The following LLGL1 variants were observed in gnomAD, a reference collection of about 807,000 sequenced individuals.
LLGL1 encodes lethal(2) giant larvae protein homolog 1.
Under a neutral mutation model 110.6 loss-of-function variants are expected in LLGL1, and 58 were observed. That is an observed-to-expected ratio of 0.52 (90% confidence interval 0.42 to 0.65). LLGL1 has a LOEUF of 0.65. LLGL1 is among the 30% of genes least tolerant of loss of function. The pLI, the probability that LLGL1 is intolerant of heterozygous loss-of-function variation, is 0.00. For missense variants in LLGL1, 1,229 were observed against 1,462.1 expected, an observed-to-expected ratio of 0.84 and a Z score of 2.60; for synonymous variants, 674 against 607.2, an observed-to-expected ratio of 1.11 and a Z score of -1.62.
rs762170221 is a variant in LLGL1 at position 18,240,798 on chromosome 17, C to T, written c.2427C>T (p.Ala809=). ...GCCCACTGCCCGAGCCCTACGAGGC[C>T]TCACGGGACCTGGCGCAGGCACCTG... ...RGRPLPEPYE[A]SRDLAQAPDM... Residue 809 remains alanine, a synonymous_variant, in exon 17 of 23, where the codon GCC becomes GCT. Coordinates refer to ENST00000316843, the MANE Select transcript of LLGL1 (RefSeq NM_004140.4). This position sits in a 1 kb window ranked among gnomAD's most constrained non-coding sequence, Gnocchi z 5.3. 5 of 1,588,734 alleles carry T rather than the reference C, an allele frequency of 3.1e-6. No individual in the cohort carries two copies. The highest frequency in any genetic ancestry group is 4.6e-5 in the East Asian group (2 of 43,274).
Position 18,237,636 on chromosome 17 carries a change from C to T in LLGL1, c.1767C>T (p.Pro589=), listed in dbSNP as rs1338467321. 1 of 1,611,878 alleles carries T rather than the reference C, an allele frequency of 6.2e-7. No homozygotes were observed. The highest frequency in any genetic ancestry group is 8.5e-7 in the Non-Finnish European group (1 of 1,179,934). The change falls in exon 14 of 23, where the codon CCC becomes CCT. Residue 589 remains proline (P), a synonymous_variant. Transcript: ENST00000316843. ...TGCCCTGGCCTGCTGGCTTCCAGCC[C>T]CGTGTCCTGGTGCAGTGCCTGCCGC... ...GPLPWPAGFQ[P]RVLVQCLPPA... is the part of the protein sequence containing the mutation.
rs1184013270 is a variant in LLGL1, at chr17:18,240,806, A to T, written c.2435A>T (p.Asp812Val). Reference protein sequence around the residue: ...PLPEPYEASRDLAQAPDMQGG... With the variant: ...PLPEPYEASRVLAQAPDMQGG... Reference sequence around the variant, plus strand: ...CCCGAGCCCTACGAGGCCTCACGGGACCTGGCGCAGGCACCTGACATGCAG... The same window carrying T: ...CCCGAGCCCTACGAGGCCTCACGGGTCCTGGCGCAGGCACCTGACATGCAG... Residue 812 changes from aspartate to valine, a missense_variant, in exon 17 of 23, where the codon GAC becomes GTC. Coordinates refer to ENST00000316843, the MANE Select transcript of LLGL1 (RefSeq NM_004140.4). This position sits in a 1 kb window ranked among gnomAD's most constrained non-coding sequence, Gnocchi z 5.3. The T allele has an allele frequency of 2.5e-6, 4 of 1,582,798 alleles. No homozygotes were observed. The highest frequency in any genetic ancestry group is 3.4e-6 in the Non-Finnish European group (4 of 1,162,340).
At chr17:18,232,609 G>C (rs756397001) in intron 3 of LLGL1, 33 bp downstream of exon 3, 1 of 1,613,898 alleles carries the variant, frequency 6.2e-7, no homozygotes, top group Admixed American at 1.7e-5. Context: ...CCAGCTCCCT[G>C]TGGCCCCCAT....
rs2047964447 is a variant in LLGL1, at chr17:18,244,801, T to TAAAA, written c.*896_*899dup. Reference sequence around the variant, plus strand: ...TTGGGGTTTTTTTCTGTCGTTTTGTTAAAATTAGCGCCATTTTAATATTAA... The same window carrying TAAAA: ...TTGGGGTTTTTTTCTGTCGTTTTGTTAAAAAAAATTAGCGCCATTTTAATATTAA... On this transcript the variant is annotated 3_prime_UTR_variant, in exon 23 of 23. Transcript: ENST00000316843. 6.1e-6 allele frequency: 2 copies of TAAAA among 329,642 alleles called. No individual in the cohort carries two copies. Among genetic ancestry groups the TAAAA allele is most frequent in the African/African-American group, 4.2e-5 (2 of 47,156 alleles). 20.4% of individuals were successfully genotyped at this position (329,642 alleles called of 1,614,324 possible).
intron 16 of LLGL1, among the ~76,000 whole-genome samples, chr17:18,238,946 G>A (rs1384091813): frequency 6.6e-6 from 1 of 152,062 alleles, no homozygotes; most frequent in Non-Finnish European, 1.5e-5. Context: ...GGGAGGCGGA[G>A]GTTGCAGTGA....
At chr17:18,239,172 A>G (rs894819884) in intron 16 of LLGL1, among the ~76,000 whole-genome samples, 2 of 152,060 alleles carry the variant, frequency 1.3e-5, no homozygotes, top group Admixed American at 6.5e-5. Flanking sequence ...GGTGAGGGGC[A>G]CCAGCCAGTG....
chr17:18,238,489 G>A lies in LLGL1; in HGVS notation c.2086G>A (p.Ala696Thr). Residue 696 changes from alanine to threonine, a missense_variant, in exon 16 of 23, where the codon GCC becomes ACC. Ala to Thr is a moderately conservative substitution (Grantham distance 58). Transcript: ENST00000316843. The part of the protein sequence containing the change: ...QEANAQLAEQ[A>T]CPHDVEMTPV... The stretch of plus-strand genomic sequence containing the variant: ...AGCCAATGCACAGCTGGCTGAGCAG[G>A]CCTGCCCCCACGACGTGGAGATGAC... The A allele has an allele frequency of 1.2e-6, 2 of 1,612,168 alleles. No homozygotes were observed. The highest frequency in any genetic ancestry group is 2.2e-5 in the East Asian group (1 of 44,886).
Position 18,234,907 on chromosome 17 carries a change from T to C in LLGL1, c.974T>C (p.Val325Ala). 1 of 1,614,054 alleles carries C rather than the reference T, an allele frequency of 6.2e-7. No homozygotes were observed. Among genetic ancestry groups the C allele is most frequent in the Non-Finnish European group, 8.5e-7 (1 of 1,180,004 alleles). Residue 325 changes from valine to alanine, a missense_variant, in exon 9 of 23, where the codon GTG (valine) becomes GCG (alanine). Physicochemically the swap from Val to Ala is moderately conservative, Grantham distance 64. Transcript: ENST00000316843. ...ASYGDRHCVSVLRAETLVTLD... is the reference protein window; with the variant it reads ...ASYGDRHCVSALRAETLVTLD... ...TATGGTGACCGCCACTGTGTAAGTG[T>C]GCTTCGAGCCGAGACATTGGTGACG...
chr17:18,229,957 TC>T lies in LLGL1; in HGVS notation c.102del (p.Asn35IlefsTer50). The T allele has an allele frequency of 6.2e-7, 1 of 1,610,108 alleles. No homozygotes were observed. The highest frequency in any genetic ancestry group is 8.5e-7 in the Non-Finnish European group (1 of 1,178,962). On this transcript the variant is annotated frameshift_variant, in exon 2 of 23. Coordinates refer to ENST00000316843, the MANE Select transcript of LLGL1 (RefSeq NM_004140.4). LOFTEE classifies it high-confidence loss of function. ...FAFNKTVEHG[F>X]PNQPSALAFD... is the part of the protein sequence containing the mutation. The stretch of plus-strand genomic sequence containing the variant: ...TCCTTGCAGACTGTGGAGCATGGCT[TC>T]CCCAATCAGCCCAGCGCCCTGGCCT...
At chr17:18,234,237 ATGCCTGCCTGCC>A (rs757942328) in intron 6 of LLGL1, 24 bp from the exon 7 acceptor site, 19 of 1,596,094 alleles carry the variant, frequency 1.2e-5, no homozygotes, top group Non-Finnish European at 1.5e-5. Flanking sequence ...ACCATGGCTC[ATGCCTGCCTGCC>A]TGCCTGCCCC....
intron 15 of LLGL1, 39 bp from the exon 16 acceptor site, chr17:18,238,417 G>T: frequency 1.9e-6 from 3 of 1,587,756 alleles, no homozygotes; most frequent in Non-Finnish European, 2.6e-6. Context: ...AGCCACTGGG[G>T]TGCTAGGGAG....
At position 18,241,597 on chromosome 17, in the gene LLGL1, C is replaced by A; in HGVS notation, c.2649C>A (p.Asn883Lys). ...YAETCLACLT[N>K]LGDVHVFSVP... The stretch of plus-strand genomic sequence containing the variant: ...AGACCTGCCTGGCCTGCCTCACCAA[C>A]CTGGGTGACGTCCACGTCTTCTCGG... The change falls in exon 18 of 23, where the codon AAC becomes AAA. Residue 883 changes from asparagine to lysine, a missense_variant. Asn to Lys is a moderately conservative substitution (Grantham distance 94). Transcript: ENST00000316843. 6.2e-7 allele frequency: 1 copy of A among 1,613,836 alleles called. No homozygotes were observed. The highest frequency in any genetic ancestry group is 8.5e-7 in the Non-Finnish European group (1 of 1,180,034).
intron 4 of LLGL1, among the ~76,000 whole-genome samples, chr17:18,233,212 G>C (rs1306715943): frequency 1.3e-5 from 2 of 152,174 alleles, no homozygotes; most frequent in African/African-American, 4.8e-5. Context: ...AGGCCTTTCT[G>C]TGCATAGGCA....
intron 1 of LLGL1, among the ~76,000 whole-genome samples, chr17:18,228,598 C>T (rs569343892): frequency 1.2e-4 from 18 of 152,004 alleles, no homozygotes; most frequent in Non-Finnish European, 1.9e-4. Flanking sequence ...ATGAGGGAAG[C>T]AGATGCTGGA....
Position 18,236,662 on chromosome 17 carries a change from C to G in LLGL1, c.1408C>G (p.Leu470Val). Residue 470 changes from leucine to valine, a missense_variant, in exon 12 of 23, where the codon CTC (leucine) becomes GTC (valine). Coordinates refer to ENST00000316843, the MANE Select transcript of LLGL1 (RefSeq NM_004140.4). ...WDASGVALRP[L>V]YKLSTAGLFQ... ...TGCCTCGGGTGTGGCGCTGCGGCCGCTCTATAAGCTGAGCACAGCTGGCCT... is the reference window on the plus strand; with the variant it reads ...TGCCTCGGGTGTGGCGCTGCGGCCGGTCTATAAGCTGAGCACAGCTGGCCT... 6.2e-7 allele frequency: 1 copy of G among 1,612,970 alleles called. No homozygotes were observed. Among genetic ancestry groups the G allele is most frequent in the Non-Finnish European group, 8.5e-7 (1 of 1,179,980 alleles).
At position 18,237,608 on chromosome 17, in the gene LLGL1, C is replaced by A. The variant is rs1063685; in HGVS notation, c.1739C>A (p.Pro580Gln). The A allele has an allele frequency of 1.2e-6, 2 of 1,611,146 alleles. No homozygotes were observed. The highest frequency in any genetic ancestry group is 1.3e-5 in the African/African-American group (1 of 74,992). The change falls in exon 14 of 23, where the codon CCG (proline) becomes CAG (glutamine). Residue 580 changes from proline to glutamine, a missense_variant. By Grantham distance (76) the Pro-to-Gln change is moderately conservative. Transcript: ENST00000316843. ...GAGCGGCTGAGCCCACGCACGGGGC[C>A]GCTGCCCTGGCCTGCTGGCTTCCAG... ...GHERLSPRTG[P>Q]LPWPAGFQPR...
chr17:18,228,647 A>G (rs889585813), intron 1 of LLGL1, among the ~76,000 whole-genome samples: 2 of 152,140 alleles, frequency 1.3e-5, no homozygotes, highest in Non-Finnish European at 2.9e-5. Context: ...GTAAAATGGG[A>G]AGGCTGTGGG....
rs571829606 is a variant in LLGL1, at chr17:18,237,995, C to T, written c.1905-72C>T. On this transcript the variant is annotated intron_variant, in intron 14 of 22. Transcript: ENST00000316843. Reference sequence around the variant, plus strand: ...TGACTCCCTGACCTGGGTGCCTCCACAGGCCAGCAGGAGTGTGGTGGCTGC... The same window carrying T: ...TGACTCCCTGACCTGGGTGCCTCCATAGGCCAGCAGGAGTGTGGTGGCTGC... 10 of 1,555,024 alleles carry T rather than the reference C, an allele frequency of 6.4e-6. No homozygotes were observed. The Admixed American group carries it at 1.4e-4, about 22-fold the overall frequency.
Position 18,240,523 on chromosome 17 carries a change from C to A in LLGL1, c.2207-55C>A. The A allele has an allele frequency of 1.3e-6, 2 of 1,529,576 alleles. No individual in the cohort carries two copies. The highest frequency in any genetic ancestry group is 1.8e-6 in the Non-Finnish European group (2 of 1,136,402). The allele number at this position is 1,529,576 out of a possible 1,614,324, so 94.8% of individuals were successfully genotyped here. On this transcript the variant is annotated intron_variant, in intron 16 of 22. Coordinates refer to ENST00000316843, the MANE Select transcript of LLGL1 (RefSeq NM_004140.4). This position sits in a 1 kb window ranked among gnomAD's most constrained non-coding sequence, Gnocchi z 5.3. ...GGACCTGCAGTCTGTGGGAAGACCC[C>A]AGGGGAGATGCCTGGCCCACAGGGA...
Sources: gnomAD v4.1 joint callset for allele counts (sites outside exome capture counted in the v4.1 genomes callset) on GRCh38, gnomAD v4.1.1 for gene constraint, Gnocchi (gnomAD v3.1) non-coding constraint, MANE v1.5 for transcripts, NCBI Gene and HGNC (gene_info 2026-07-23, HGNC 2026-07-21) for gene names.